Variants in LSAMP observed in about 807,000 individuals in gnomAD.
LSAMP encodes limbic system associated membrane protein, also known as limbic system-associated membrane protein.
A neutral mutation model predicts 38.6 loss-of-function variants in LSAMP; 7 were observed. That is an observed-to-expected ratio of 0.18 (90% confidence interval 0.10 to 0.34). The LOEUF is 0.34. Ranked by LOEUF, LSAMP falls within the 10% of genes least tolerant of loss-of-function variation. The pLI, the probability that LSAMP is intolerant of heterozygous loss-of-function variation, is 1.00. For missense variants in LSAMP, 313 were observed against 420.0 expected (o/e 0.75, Z 2.23); for synonymous variants, 154 against 166.8 (o/e 0.92, Z 0.59).
chr3:115,904,604 C>CACCTCTCCCAGATCT (rs1386456571), intron 3 of LSAMP, among the ~76,000 whole-genome samples: 1 of 151,908 alleles, frequency 6.6e-6, no homozygotes, highest in Non-Finnish European at 1.5e-5. Flanking sequence ...TCCCTTCTCT[C>CACCTCTCCCAGATCT]ACCTCTCCCA....
chr3:116,327,511 A>T (rs1308492158), intron 1 of LSAMP, among the ~76,000 whole-genome samples: 1 of 151,820 alleles, frequency 6.6e-6, no homozygotes, highest in Non-Finnish European at 1.5e-5. Context: ...TTATATGGCC[A>T]TTTCTCCTCT....
rs1425433033 is a variant in LSAMP, at chr3:115,991,896, C to CG, written c.514+27618_514+27619insC. Among the ~76,000 whole-genome samples, 4 of 152,018 alleles carry CG rather than the reference C, an allele frequency of 2.6e-5. No individual in the cohort carries two copies. In the East Asian group the frequency reaches 7.7e-4, roughly 29 times the overall value. On this transcript the variant is annotated intron_variant, in intron 3 of 6. Transcript: ENST00000490035. Reference sequence around the variant, plus strand: ...CTCCAATGGCAGGAATAAGGCCATGCCATGCCCCAGGGTAAAGGAGAAAGG... The same window carrying CG: ...CTCCAATGGCAGGAATAAGGCCATGCGCATGCCCCAGGGTAAAGGAGAAAGG...
At chr3:116,443,043 CT>C (rs534197593) in intron 1 of LSAMP, among the ~76,000 whole-genome samples, 67 of 152,296 alleles carry the variant, frequency 4.4e-4, no homozygotes, top group Admixed American at 9.2e-4. Flanking sequence ...CTCAAGGACA[CT>C]GAAATAAAAA....
At chr3:116,403,217 A>G (rs1303653728) in intron 1 of LSAMP, among the ~76,000 whole-genome samples, 1 of 152,220 alleles carries the variant, frequency 6.6e-6, no homozygotes, top group Non-Finnish European at 1.5e-5. Context: ...CTTGGACAAT[A>G]AACTAATGCT....
At chr3:116,390,994 A>C (rs2048686842) in intron 1 of LSAMP, among the ~76,000 whole-genome samples, 1 of 152,102 alleles carries the variant, frequency 6.6e-6, no homozygotes, top group South Asian at 2.1e-4. Context: ...TGTTCTAACA[A>C]TATAGAGCTC....
intron 1 of LSAMP, among the ~76,000 whole-genome samples, chr3:116,131,565 T>C (rs1709134897): frequency 6.6e-6 from 1 of 152,150 alleles, no homozygotes; most frequent in Admixed American, 6.5e-5. Context: ...TGACCATGTA[T>C]AGAGAGTCTA....
intron 2 of LSAMP, among the ~76,000 whole-genome samples, chr3:116,085,409 C>A (rs947642332): frequency 3.9e-5 from 6 of 152,332 alleles, no homozygotes; most frequent in African/African-American, 1.4e-4. Context: ...TTTTCCACAC[C>A]ACTGACTGCA....
chr3:116,028,664 A>C (rs1032438832), intron 2 of LSAMP, among the ~76,000 whole-genome samples: 1 of 152,180 alleles, frequency 6.6e-6, no homozygotes, highest in Non-Finnish European at 1.5e-5. Context: ...TGTACCTATT[A>C]TTTATTACAT....
intron 1 of LSAMP, among the ~76,000 whole-genome samples, chr3:116,158,020 C>T (rs1709795902): frequency 6.6e-6 from 1 of 152,124 alleles, no homozygotes. Context: ...ATCAAGTAGG[C>T]TTTATTCCTG....
intron 1 of LSAMP, among the ~76,000 whole-genome samples, chr3:116,351,672 A>G (rs2048142104): frequency 6.6e-6 from 1 of 152,110 alleles, no homozygotes; most frequent in Non-Finnish European, 1.5e-5. Context: ...TTAAATGAAT[A>G]GAAGCATAGC....
chr3:115,819,262 G>A (rs992703450), intron 6 of LSAMP, among the ~76,000 whole-genome samples: 14 of 151,932 alleles, frequency 9.2e-5, no homozygotes, highest in African/African-American at 3.1e-4. Flanking sequence ...GTGAAACCCC[G>A]TCTCTACTAA....
At chr3:116,389,259 C>T (rs1294840552) in intron 1 of LSAMP, among the ~76,000 whole-genome samples, 1 of 152,116 alleles carries the variant, frequency 6.6e-6, no homozygotes, top group African/African-American at 2.4e-5. Flanking sequence ...CAAAAGCTAG[C>T]CTACCTCCAG....
At chr3:116,039,115 C>G (rs1385761904) in intron 2 of LSAMP, among the ~76,000 whole-genome samples, 1 of 152,142 alleles carries the variant, frequency 6.6e-6, no homozygotes, top group Non-Finnish European at 1.5e-5. Flanking sequence ...TAACTGGAAG[C>G]ATCTTTCAGG....
At chr3:116,297,824 T>C (rs1576490908) in intron 1 of LSAMP, among the ~76,000 whole-genome samples, 1 of 152,206 alleles carries the variant, frequency 6.6e-6, no homozygotes, top group South Asian at 2.1e-4. Flanking sequence ...TTTGCACTTA[T>C]AGGATGAGTG....
At chr3:116,404,861 C>T (rs1046082901) in intron 1 of LSAMP, among the ~76,000 whole-genome samples, 26 of 152,000 alleles carry the variant, frequency 1.7e-4, no homozygotes, top group Non-Finnish European at 7.4e-5. Context: ...GATATTCAAA[C>T]ATGTGACCAA....
chr3:116,011,213 T>A (rs997744597), intron 3 of LSAMP, among the ~76,000 whole-genome samples: 4 of 152,194 alleles, frequency 2.6e-5, no homozygotes, highest in Non-Finnish European at 5.9e-5. Flanking sequence ...GGCCAGTTTT[T>A]GCATTTTTAT....
intron 3 of LSAMP, among the ~76,000 whole-genome samples, chr3:116,007,179 G>C (rs780534614): frequency 1.1e-4 from 17 of 152,004 alleles, no homozygotes; most frequent in Non-Finnish European, 2.2e-4. Context: ...GCAATCTTGT[G>C]ACTTCACAGA....
At chr3:116,399,403 A>G (rs1559854527) in intron 1 of LSAMP, among the ~76,000 whole-genome samples, 2 of 152,182 alleles carry the variant, frequency 1.3e-5, no homozygotes. Context: ...GGTAGTAATA[A>G]TGGGAGAGAA....
intron 3 of LSAMP, among the ~76,000 whole-genome samples, chr3:116,005,458 T>G (rs957008853): frequency 1.3e-5 from 2 of 152,294 alleles, no homozygotes; most frequent in Admixed American, 1.3e-4. Context: ...TATGGGTTAC[T>G]CCTGCTGCCA....
Sources: gnomAD v4.1 joint callset for allele counts (sites outside exome capture counted in the v4.1 genomes callset) on GRCh38, gnomAD v4.1.1 for gene constraint, MANE v1.5 for transcripts, NCBI Gene and HGNC (gene_info 2026-07-23, HGNC 2026-07-21) for gene names.